FAAH: variants seen among roughly 807,000 people sequenced by gnomAD.
FAAH encodes fatty acid amide hydrolase, also known as fatty-acid amide hydrolase 1.
A neutral mutation model predicts 69.7 loss-of-function variants in FAAH; 63 were observed. That is an observed-to-expected ratio of 0.90 (90% CI 0.74 to 1.12). The LOEUF (loss-of-function observed/expected upper bound fraction) is 1.12. Ranked by LOEUF, FAAH falls within the 50% of genes most tolerant of loss-of-function variation. The pLI is 0.00. For synonymous variants in FAAH, 305 were observed against 324.2 expected (o/e 0.94, Z 0.64); for missense variants, 680 against 755.0 (o/e 0.90, Z 1.16).
chr1:46,404,999 C>A lies in FAAH; in HGVS notation c.310-15C>A, dbSNP rs1366374033. On this transcript the variant is annotated splice_polypyrimidine_tract_variant and intron_variant, in intron 2 of 14. Transcript: ENST00000243167. The surrounding 1 kb of genome is among the most constrained non-coding windows in gnomAD (Gnocchi z 4.5). ...CCAGCCTCCTTTTATCTTATGTCTACTTCCCCTTCCTCAGGCCTGGGAAGT... is the reference window on the plus strand; with the variant it reads ...CCAGCCTCCTTTTATCTTATGTCTAATTCCCCTTCCTCAGGCCTGGGAAGT... The A allele has an allele frequency of 6.2e-7, 1 of 1,614,008 alleles. No homozygotes were observed. Among genetic ancestry groups the A allele is most frequent in the Non-Finnish European group, 8.5e-7 (1 of 1,180,032 alleles).
intron 7 of FAAH, 23 bp from the exon 8 acceptor site, chr1:46,408,436 T>A (rs775084529): frequency 1.2e-6 from 2 of 1,614,088 alleles, no homozygotes; most frequent in Non-Finnish European, 8.5e-7. Flanking sequence ...GACCTGCCCC[T>A]GTCCCCTGTG....
chr1:46,410,915 G>A lies in FAAH; in HGVS notation c.1316+61G>A, dbSNP rs764000401. On this transcript the variant is annotated intron_variant, in intron 11 of 14. Coordinates refer to ENST00000243167, the MANE Select transcript of FAAH (RefSeq NM_001441.3). This position sits in a 1 kb window ranked among gnomAD's most constrained non-coding sequence, Gnocchi z 4.9. ...CCTGTCCTGATCCGAGTCTGGGTCT[G>A]GGTAGTTTCTGACAGGAAAGGACTT... 17 of 1,607,004 alleles carry A rather than the reference G, an allele frequency of 1.1e-5. No individual in the cohort carries two copies. The African/African-American group carries it at 2.1e-4, about 20-fold the overall frequency.
chr1:46,400,801 T>G (rs1176125131), intron 1 of FAAH, among the ~76,000 whole-genome samples: 10 of 32,854 alleles, frequency 3.0e-4, no homozygotes, highest in Admixed American at 4.2e-4. Flanking sequence ...AGGGGAGGAG[T>G]GGAAGCCAGG....
intron 14 of FAAH, 78 bp downstream of exon 14, chr1:46,413,298 C>T: frequency 6.2e-7 from 1 of 1,611,790 alleles, no homozygotes; most frequent in East Asian, 2.2e-5. Flanking sequence ...AGTACCAGCA[C>T]TGCGGGTTTG....
At chr1:46,409,220 G>A (rs1557760954) in intron 9 of FAAH, 22 bp downstream of exon 9, 1 of 1,586,492 alleles carries the variant, frequency 6.3e-7, no homozygotes, top group Non-Finnish European at 8.7e-7. Context: ...TGGGCTTTGG[G>A]GTCTTGGTGG....
chr1:46,413,805 G>T lies in FAAH; in HGVS notation c.*230G>T. On this transcript the variant is annotated 3_prime_UTR_variant, in exon 15 of 15. Coordinates refer to ENST00000243167, the MANE Select transcript of FAAH (RefSeq NM_001441.3). ...CTCCACCCCCATGTGGCAGCCCATGGGTATGACATAGGCCAAGGCCCAACT... is the reference window on the plus strand; with the variant it reads ...CTCCACCCCCATGTGGCAGCCCATGTGTATGACATAGGCCAAGGCCCAACT... The T allele has an allele frequency of 3.4e-6, 2 of 587,292 alleles. No individual in the cohort carries two copies. The highest frequency in any genetic ancestry group is 6.1e-6 in the Non-Finnish European group (2 of 329,814). 36.4% of individuals were successfully genotyped at this position (587,292 alleles called of 1,614,324 possible). A position where few individuals can be genotyped will look rare whatever the true frequency, so the allele number is the denominator to read the frequency against.
chr1:46,410,356 T>C lies in FAAH; in HGVS notation c.1176-42T>C. 1 of 1,514,086 alleles carries C rather than the reference T, an allele frequency of 6.6e-7. No individual in the cohort carries two copies. The highest frequency in any genetic ancestry group is 9.2e-7 in the Non-Finnish European group (1 of 1,088,928). The allele number at this position is 1,514,086 out of a possible 1,614,324, so 93.8% of individuals were successfully genotyped here. A position where few individuals can be genotyped will look rare whatever the true frequency, so the allele number is the denominator to read the frequency against. On this transcript the variant is annotated intron_variant, in intron 9 of 14. Coordinates refer to ENST00000243167, the MANE Select transcript of FAAH (RefSeq NM_001441.3). This position sits in a 1 kb window ranked among gnomAD's most constrained non-coding sequence, Gnocchi z 4.9. ...GGCCGGGCGAGCAAGCTGGGAAGGA[T>C]GTGGGGATGGGAGTGCCTGGACCGA...
At position 46,404,331 on chromosome 1, in the gene FAAH, T is replaced by C. The variant is rs1347083858; in HGVS notation, c.310-683T>C. On this transcript the variant is annotated intron_variant, in intron 2 of 14. Transcript: ENST00000243167. The surrounding 1 kb of genome is among the most constrained non-coding windows in gnomAD (Gnocchi z 4.5). ...CCCAGATACTCCCCAGGAGCAGGAA[T>C]ATTTACTGAAAGCTGCATCTCACTC... Among the ~76,000 whole-genome samples, 1 of 152,224 alleles carries C rather than the reference T, an allele frequency of 6.6e-6. No homozygotes were observed. The highest frequency in any genetic ancestry group is 6.5e-5 in the Admixed American group (1 of 15,274).
In FAAH at chr1:46,410,960, G is replaced by T. The variant is rs1370193134; in HGVS notation, c.1316+106G>T. On this transcript the variant is annotated intron_variant, in intron 11 of 14. Transcript: ENST00000243167. The surrounding 1 kb of genome is among the most constrained non-coding windows in gnomAD (Gnocchi z 4.9). ...GGACTTGAGGGAAGTAGCCTCTGAG[G>T]CTGGAAGTGGCCCAGGCAGGGGGGC... The T allele has an allele frequency of 7.0e-7, 1 of 1,430,244 alleles. No individual in the cohort carries two copies. The highest frequency in any genetic ancestry group is 9.8e-7 in the Non-Finnish European group (1 of 1,017,110). The allele number at this position is 1,430,244 out of a possible 1,614,324, so 88.6% of individuals were successfully genotyped here. A position where few individuals can be genotyped will look rare whatever the true frequency, so the allele number is the denominator to read the frequency against.
At chr1:46,397,660 C>G (rs912775739) in intron 1 of FAAH, among the ~76,000 whole-genome samples, 4 of 152,114 alleles carry the variant, frequency 2.6e-5, no homozygotes, top group Non-Finnish European at 5.9e-5. Context: ...CTCCCAGGTT[C>G]AAGCGATTCT....
intron 2 of FAAH, among the ~76,000 whole-genome samples, chr1:46,403,923 T>C (rs1436631032): frequency 6.6e-6 from 1 of 152,206 alleles, no homozygotes; most frequent in African/African-American, 2.4e-5. Context: ...AGAAATATGT[T>C]TGAAAAGAAA....
chr1:46,412,077 T>G, intron 12 of FAAH, 66 bp from the exon 13 acceptor site: 114 of 1,390,600 alleles, frequency 8.2e-5, no homozygotes, highest in Non-Finnish European at 1.1e-4. Flanking sequence ...CCACAGTCCC[T>G]GAGTTAAAGA....
chr1:46,406,073 A>G lies in FAAH; in HGVS notation c.821A>G (p.Glu274Gly). Reference sequence around the variant, plus strand: ...CTGAAGGGCTGTGTCTATGGACAGGAGGCAGGTGAGGTCCGTGGTGCTCTC... The same window carrying G: ...CTGAAGGGCTGTGTCTATGGACAGGGGGCAGGTGAGGTCCGTGGTGCTCTC... The part of the protein sequence containing the change: ...SGLKGCVYGQ[E>G]AVRLSVGPMA... Residue 274 changes from glutamate (E) to glycine (G), a missense_variant, in exon 6 of 15, where the codon GAG (glutamate) becomes GGG (glycine). Glu to Gly is a moderately conservative substitution (Grantham distance 98). Transcript: ENST00000243167. 1.9e-6 allele frequency: 3 copies of G among 1,614,156 alleles called. No individual in the cohort carries two copies. The highest frequency in any genetic ancestry group is 2.5e-6 in the Non-Finnish European group (3 of 1,180,042).
At chr1:46,400,552 AC>A (rs1664679621) in intron 1 of FAAH, among the ~76,000 whole-genome samples, 2 of 151,212 alleles carry the variant, frequency 1.3e-5, no homozygotes, top group African/African-American at 4.9e-5. Flanking sequence ...CCAGAAAGAC[AC>A]CTGTTTCATT....
chr1:46,410,828 A>G lies in FAAH; in HGVS notation c.1290A>G (p.Ser430=), dbSNP rs777573090. 1.2e-6 allele frequency: 2 copies of G among 1,614,122 alleles called. No homozygotes were observed. The highest frequency in any genetic ancestry group is 1.1e-5 in the South Asian group (1 of 91,070). Residue 430 remains serine, a synonymous_variant, in exon 11 of 15, where the codon TCA becomes TCG. Coordinates refer to ENST00000243167, the MANE Select transcript of FAAH (RefSeq NM_001441.3). This position sits in a 1 kb window ranked among gnomAD's most constrained non-coding sequence, Gnocchi z 4.9. The stretch of plus-strand genomic sequence containing the variant: ...GTCCTGTGCAGCTGCCAAGGCTGTC[A>G]GCTTTCCTCAGCAACATGAAGTCTC... ...FLVKPLLPRL[S]AFLSNMKSRS...
At position 46,407,516 on chromosome 1, in the gene FAAH, C is replaced by T. The variant is rs1037311462; in HGVS notation, c.952-943C>T. On this transcript the variant is annotated intron_variant, in intron 7 of 14. Transcript: ENST00000243167. Reference sequence around the variant, plus strand: ...GAGTGGCCAGTGGTCATCTTCCTCCCAGCTCATCCCCTACTGCGGGGCATC... The same window carrying T: ...GAGTGGCCAGTGGTCATCTTCCTCCTAGCTCATCCCCTACTGCGGGGCATC... Among the ~76,000 whole-genome samples the T allele has an allele frequency of 3.9e-5, 6 of 152,040 alleles. No homozygotes were observed. The South Asian group carries it at 1.2e-3, about 32-fold the overall frequency.
At chr1:46,406,107 G>A in intron 6 of FAAH, 29 bp downstream of exon 6, 1 of 1,614,114 alleles carries the variant, frequency 6.2e-7, no homozygotes, top group Non-Finnish European at 8.5e-7. Context: ...TCAGTGCCCC[G>A]AGGAGGGTGG....
Position 46,413,430 on chromosome 1 carries a change from G to C in FAAH, c.1612-17G>C. 1 of 1,614,096 alleles carries C rather than the reference G, an allele frequency of 6.2e-7. No individual in the cohort carries two copies. ...CCTGCCTTGCTAACCCTATCCTGAT[G>C]CCTGTATCCCCTATAGGGCATGAAG... is the stretch of plus-strand genomic sequence containing the variant. On this transcript the variant is annotated splice_polypyrimidine_tract_variant and intron_variant, in intron 14 of 14. Coordinates refer to ENST00000243167, the MANE Select transcript of FAAH (RefSeq NM_001441.3).
chr1:46,409,125 A>G lies in FAAH; in HGVS notation c.1102A>G (p.Ile368Val). ...GCTGGTTCCCTTCTTGCCAAGCAAC[A>G]TACCCCATGCTCTGGAGACCCTGTC... The part of the protein sequence containing the change: ...HTLVPFLPSN[I>V]PHALETLSTG... Residue 368 changes from isoleucine to valine, a missense_variant, in exon 9 of 15, where the codon ATA (isoleucine) becomes GTA (valine). Ile to Val is a conservative substitution (Grantham distance 29, BLOSUM62 3). Transcript: ENST00000243167. 2 of 1,613,698 alleles carry G rather than the reference A, an allele frequency of 1.2e-6. No homozygotes were observed. Among genetic ancestry groups the G allele is most frequent in the Non-Finnish European group, 1.7e-6 (2 of 1,179,768 alleles).
Sources: allele counts gnomAD v4.1 joint callset (sites outside exome capture counted in the v4.1 genomes callset), GRCh38; gene constraint gnomAD v4.1.1; non-coding constraint Gnocchi (gnomAD v3.1); transcripts MANE v1.5; gene names NCBI Gene and HGNC (gene_info 2026-07-23, HGNC 2026-07-21).